The following MKRN2 variants were observed in gnomAD, a reference collection of about 807,000 sequenced individuals.
The protein encoded by MKRN2 is makorin ring finger protein 2.
A neutral mutation model predicts 45.4 loss-of-function variants in MKRN2; 32 were observed. The observed-to-expected ratio is 0.70, with a 90% confidence interval of 0.53 to 0.95. The LOEUF is 0.95. Ranked by LOEUF, MKRN2 falls within the 40% of genes least tolerant of loss-of-function variation. The probability of loss-of-function intolerance (pLI) is 0.00; values close to 1 mark genes in which losing one functional copy is unlikely to be tolerated. For synonymous variants in MKRN2, 206 were observed against 192.4 expected, an observed-to-expected ratio of 1.07 and a Z score of -0.59; for missense variants, 526 against 536.7, an observed-to-expected ratio of 0.98 and a Z score of 0.20.
chr3:12,574,611 G>C (rs780895593), intron 4 of MKRN2, among the ~76,000 whole-genome samples, 181 bp from the exon 5 acceptor site: 3 of 152,230 alleles, frequency 2.0e-5, no homozygotes, highest in African/African-American at 4.8e-5. Context: ...GAAGTCCTTT[G>C]TGTGGTCTGA....
intron 5 of MKRN2, 94 bp downstream of exon 5, chr3:12,575,100 A>T: frequency 8.4e-7 from 1 of 1,196,210 alleles, no homozygotes; most frequent in Non-Finnish European, 1.2e-6. Context: ...GTTACCCTCA[A>T]GAGTAACTGG....
intron 6 of MKRN2, among the ~76,000 whole-genome samples, chr3:12,578,973 C>G (rs1349828056): frequency 6.7e-6 from 1 of 150,122 alleles, no homozygotes; most frequent in Non-Finnish European, 1.5e-5. Flanking sequence ...AGGGCCCCAG[C>G]CTGTAGAAAA....
At chr3:12,575,477 G>A (rs1236940951) in intron 5 of MKRN2, among the ~76,000 whole-genome samples, 1 of 152,178 alleles carries the variant, frequency 6.6e-6, no homozygotes, top group Admixed American at 6.5e-5. Flanking sequence ...GGCCAACATA[G>A]GAGTCTCAAA....
rs1409029560 is a variant in MKRN2 at position 12,572,456 on chromosome 3, C to T, written c.642+83C>T. 6.3e-6 allele frequency: 8 copies of T among 1,279,226 alleles called. No individual in the cohort carries two copies. In the East Asian group the frequency reaches 1.6e-4, roughly 25 times the overall value. The allele number at this position is 1,279,226 out of a possible 1,614,324, so 79.2% of individuals were successfully genotyped here. Reference sequence around the variant, plus strand: ...GGACACGGAAGGCCATCCATATACACTCAAGAAATCTGAAATGTACTAAGT... The same window carrying T: ...GGACACGGAAGGCCATCCATATACATTCAAGAAATCTGAAATGTACTAAGT... On this transcript the variant is annotated intron_variant, in intron 4 of 7. Transcript: ENST00000170447.
intron 1 of MKRN2, 77 bp downstream of exon 1, chr3:12,557,253 C>G: frequency 6.7e-7 from 1 of 1,498,426 alleles, no homozygotes; most frequent in East Asian, 2.7e-5. Flanking sequence ...GTGCTGTGGT[C>G]CGGGAACCTG....
intron 6 of MKRN2, among the ~76,000 whole-genome samples, chr3:12,579,325 C>T (rs1289082650): frequency 6.6e-6 from 1 of 152,106 alleles, no homozygotes; most frequent in Non-Finnish European, 1.5e-5. Flanking sequence ...CCACGACACC[C>T]AGCTAATTTT....
At chr3:12,576,484 T>C in intron 5 of MKRN2, 147 bp from the exon 6 acceptor site, 3 of 549,660 alleles carry the variant, frequency 5.5e-6, no homozygotes, top group South Asian at 2.2e-5. Context: ...GTAAATAAGG[T>C]TCTTGGATGA....
intron 5 of MKRN2, 148 bp from the exon 6 acceptor site, chr3:12,576,483 G>A (rs1162894739): frequency 1.8e-6 from 1 of 547,224 alleles, no homozygotes; most frequent in Non-Finnish European, 3.3e-6. Context: ...AGTAAATAAG[G>A]TTCTTGGATG....
intron 1 of MKRN2, among the ~76,000 whole-genome samples, chr3:12,565,360 G>T (rs947643380): frequency 6.6e-6 from 1 of 152,086 alleles, no homozygotes; most frequent in African/African-American, 2.4e-5. Flanking sequence ...CTGGATGTTA[G>T]ATCTGGAGTT....
Position 12,576,933 on chromosome 3 carries a change from G to GTTTTTGTTTTTTTTT in MKRN2, c.968+197_968+198insGTTTTTTTTTTTTTT, listed in dbSNP as rs56380121. ...TGATGTGGACCTGTTTAGTTTTGGT[G>GTTTTTGTTTTTTTTT]TTTTTTTTTTTTTTTTTTTTTTTTC... On this transcript the variant is annotated intron_variant, in intron 6 of 7. Transcript: ENST00000170447. 4.5e-4 allele frequency: 25 copies of GTTTTTGTTTTTTTTT among 55,996 alleles called. 7 individuals are homozygous for GTTTTTGTTTTTTTTT. Among genetic ancestry groups the GTTTTTGTTTTTTTTT allele is most frequent in the African/African-American group, 2.0e-3 (16 of 7,900 alleles). The allele number at this position is 55,996 out of a possible 1,614,324, so 3.5% of individuals were successfully genotyped here. A position where few individuals can be genotyped will look rare whatever the true frequency, so the allele number is the denominator to read the frequency against.
intron 1 of MKRN2, among the ~76,000 whole-genome samples, chr3:12,566,791 TG>T (rs1233785072): frequency 2.0e-5 from 3 of 152,146 alleles, no homozygotes; most frequent in Non-Finnish European, 2.9e-5. Context: ...TTAATAGAGA[TG>T]GTGTTTCACC....
chr3:12,569,744 T>G (rs1355385613), intron 2 of MKRN2, among the ~76,000 whole-genome samples: 1 of 152,102 alleles, frequency 6.6e-6, no homozygotes, highest in Non-Finnish European at 1.5e-5. Context: ...AAAAGAATAC[T>G]GGGTCAGTCA....
intron 4 of MKRN2, among the ~76,000 whole-genome samples, chr3:12,573,409 T>G (rs1056567029): frequency 4.0e-5 from 6 of 149,052 alleles, no homozygotes; most frequent in African/African-American, 1.5e-4. Flanking sequence ...GGTGCACACC[T>G]GTAGTCCCAG....
At chr3:12,581,713 T>C (rs996570565) in intron 6 of MKRN2, 95 bp from the exon 7 acceptor site, 2 of 1,390,520 alleles carry the variant, frequency 1.4e-6, no homozygotes, top group Non-Finnish European at 2.0e-6. Flanking sequence ...GACCTACCTC[T>C]GGCGTAAGGG....
chr3:12,563,636 C>T (rs1269831737), intron 1 of MKRN2, among the ~76,000 whole-genome samples: 10 of 148,246 alleles, frequency 6.7e-5, no homozygotes, highest in Non-Finnish European at 1.5e-4. Flanking sequence ...ATTACAGGCA[C>T]CTGCCACCAT....
Position 12,582,251 on chromosome 3 carries a change from T to TA in MKRN2, c.*1dup. 6.2e-7 allele frequency: 1 copy of TA among 1,614,022 alleles called. No homozygotes were observed. ...TTCTGGAGTGGAATCATCAGAACCC[T>TA]AAAGAGTAGATGGTTGCCCTGCATC... ...HLSGVESSEP[*] The change falls in exon 8 of 8, where the codon TAA becomes TAAA. Residue 417 remains the stop codon, a frameshift_variant and stop_retained_variant. Coordinates refer to ENST00000170447, the MANE Select transcript of MKRN2 (RefSeq NM_014160.5). LOFTEE classifies it high-confidence loss of function.
chr3:12,578,810 C>A (rs1209973677), intron 6 of MKRN2, among the ~76,000 whole-genome samples: 1 of 150,274 alleles, frequency 6.7e-6, no homozygotes, highest in African/African-American at 2.4e-5. Flanking sequence ...CTATGCATTA[C>A]CTTTTTTAAT....
chr3:12,573,312 C>G (rs191822002), intron 4 of MKRN2, among the ~76,000 whole-genome samples: 1 of 151,690 alleles, frequency 6.6e-6, no homozygotes, highest in Non-Finnish European at 1.5e-5. Flanking sequence ...ATTGCTTGAC[C>G]CCAGGAGTTT....
chr3:12,574,329 A>G (rs559779186), intron 4 of MKRN2, among the ~76,000 whole-genome samples: 101 of 152,352 alleles, frequency 6.6e-4, no homozygotes, highest in Admixed American at 2.1e-3. Flanking sequence ...AATTCATTGA[A>G]TCATTTTCTT....
Sources: allele counts gnomAD v4.1 joint callset (sites outside exome capture counted in the v4.1 genomes callset), GRCh38; gene constraint gnomAD v4.1.1; transcripts MANE v1.5; gene names NCBI Gene and HGNC (gene_info 2026-07-23, HGNC 2026-07-21).